The following ZMAT4 variants were observed in gnomAD, a reference collection of about 807,000 sequenced individuals.
ZMAT4 encodes zinc finger matrin-type protein 4.
ZMAT4 carries 17 observed loss-of-function variants against 28.7 expected under a neutral mutation model. That is an observed-to-expected ratio of 0.59 (90% CI 0.41 to 0.89). ZMAT4 has a LOEUF of 0.89. Among genes scored for constraint, ZMAT4 ranks in the 40% least tolerant of loss-of-function variants. The pLI, the probability that ZMAT4 is intolerant of heterozygous loss-of-function variation, is 0.00. For missense variants in ZMAT4, 240 were observed against 283.8 expected (o/e 0.85, Z 1.11); for synonymous variants, 117 against 109.2 (o/e 1.07, Z -0.44).
chr8:40,588,353 GA>G (rs1195217192), intron 5 of ZMAT4, among the ~76,000 whole-genome samples: 1 of 151,916 alleles, frequency 6.6e-6, no homozygotes, highest in Non-Finnish European at 1.5e-5. Flanking sequence ...AGTGCTGGGG[GA>G]AAAATATTTG....
At chr8:40,798,688 C>G (rs533413112) in intron 2 of ZMAT4, among the ~76,000 whole-genome samples, 1 of 152,286 alleles carries the variant, frequency 6.6e-6, no homozygotes, top group South Asian at 2.1e-4. Context: ...ACCTGCTTTC[C>G]CAGAGCAGCA....
intron 1 of ZMAT4, among the ~76,000 whole-genome samples, chr8:40,896,846 C>T (rs774713504): frequency 6.6e-6 from 1 of 152,190 alleles, no homozygotes; most frequent in South Asian, 2.1e-4. Context: ...CACGGAGCCA[C>T]CCCCTCCACC....
At chr8:40,665,199 GTC>G (rs1808355771) in intron 5 of ZMAT4, among the ~76,000 whole-genome samples, 1 of 151,874 alleles carries the variant, frequency 6.6e-6, no homozygotes, top group African/African-American at 2.4e-5. Context: ...GAGCAAGACT[GTC>G]TCAAAAAAAC....
intron 3 of ZMAT4, among the ~76,000 whole-genome samples, chr8:40,735,896 G>A (rs1252629691): frequency 6.6e-6 from 1 of 152,174 alleles, no homozygotes; most frequent in African/African-American, 2.4e-5. Flanking sequence ...GGGAGTGGGA[G>A]TGACTTGTCC....
At chr8:40,896,994 T>A (rs551388144) in intron 1 of ZMAT4, among the ~76,000 whole-genome samples, 149 of 148,434 alleles carry the variant, frequency 1.0e-3, no homozygotes, top group African/African-American at 3.4e-3. Flanking sequence ...TTTTTCAGGA[T>A]ACCCCAAGCC....
chr8:40,695,452 C>A (rs72639683), intron 4 of ZMAT4, among the ~76,000 whole-genome samples: 1 of 152,218 alleles, frequency 6.6e-6, no homozygotes, highest in Admixed American at 6.5e-5. Context: ...GGGGAGCTGG[C>A]GCAAGGCAGG....
intron 3 of ZMAT4, among the ~76,000 whole-genome samples, chr8:40,760,571 A>G (rs1274329455): frequency 6.6e-6 from 1 of 152,216 alleles, no homozygotes; most frequent in Non-Finnish European, 1.5e-5. Context: ...AGAAGTCAGA[A>G]AAAACAAAAT....
At chr8:40,754,582 A>G (rs945659756) in intron 3 of ZMAT4, among the ~76,000 whole-genome samples, 3 of 152,226 alleles carry the variant, frequency 2.0e-5, no homozygotes, top group Non-Finnish European at 2.9e-5. Flanking sequence ...TTGTACCTGT[A>G]TAACAAAAAA....
At chr8:40,534,154 C>T (rs1192548296) in intron 6 of ZMAT4, among the ~76,000 whole-genome samples, 2 of 152,054 alleles carry the variant, frequency 1.3e-5, no homozygotes, top group Non-Finnish European at 2.9e-5. Flanking sequence ...ATATCACATT[C>T]TTCCTTTTTA....
chr8:40,807,821 C>T (rs1815156436), intron 2 of ZMAT4, among the ~76,000 whole-genome samples: 1 of 152,186 alleles, frequency 6.6e-6, no homozygotes, highest in Non-Finnish European at 1.5e-5. Flanking sequence ...ATTAGCATCA[C>T]CAATATCAAT....
intron 4 of ZMAT4, among the ~76,000 whole-genome samples, chr8:40,675,972 T>C (rs143265196): frequency 1.9e-3 from 285 of 152,360 alleles, no homozygotes; most frequent in African/African-American, 5.7e-3. Context: ...GGATTATTTC[T>C]GGTCCAGAAA....
chr8:40,598,223 T>A (rs781150206), intron 5 of ZMAT4, among the ~76,000 whole-genome samples: 1 of 152,244 alleles, frequency 6.6e-6, no homozygotes, highest in Non-Finnish European at 1.5e-5. Context: ...TTACTTTAAG[T>A]TCCAGGATAC....
intron 1 of ZMAT4, among the ~76,000 whole-genome samples, chr8:40,831,469 C>G (rs146522090): frequency 6.6e-6 from 1 of 152,168 alleles, no homozygotes; most frequent in East Asian, 1.9e-4. Flanking sequence ...CAGCACTCAC[C>G]GTGGCAGTCC....
At chr8:40,740,992 G>GCACACA (rs5891118) in intron 3 of ZMAT4, among the ~76,000 whole-genome samples, 2 of 148,478 alleles carry the variant, frequency 1.3e-5, no homozygotes, top group African/African-American at 5.0e-5. Flanking sequence ...TGATAAATGC[G>GCACACA]CACACACACA....
intron 2 of ZMAT4, among the ~76,000 whole-genome samples, chr8:40,770,579 G>T (rs1437758756): frequency 8.2e-6 from 1 of 121,572 alleles, no homozygotes; most frequent in Non-Finnish European, 1.6e-5. Context: ...ACAGAGTCTC[G>T]TTCTGTCGCC....
At chr8:40,788,692 T>C (rs1205674183) in intron 2 of ZMAT4, among the ~76,000 whole-genome samples, 2 of 151,694 alleles carry the variant, frequency 1.3e-5, no homozygotes, top group African/African-American at 4.8e-5. Context: ...CTTCCCAAAA[T>C]TGAAAAAGAG....
At chr8:40,547,285 G>T (rs990259314) in intron 6 of ZMAT4, among the ~76,000 whole-genome samples, 6 of 152,160 alleles carry the variant, frequency 3.9e-5, no homozygotes, top group African/African-American at 1.4e-4. Flanking sequence ...TTTGTTGATG[G>T]TGTTTGTTTC....
intron 4 of ZMAT4, among the ~76,000 whole-genome samples, chr8:40,677,709 G>T (rs556723981): frequency 6.6e-6 from 1 of 152,276 alleles, no homozygotes; most frequent in African/African-American, 2.4e-5. Flanking sequence ...TGCTTTGGCA[G>T]AGTGTATTAT....
At chr8:40,638,509 A>G (rs1370332153) in intron 5 of ZMAT4, among the ~76,000 whole-genome samples, 1 of 152,208 alleles carries the variant, frequency 6.6e-6, no homozygotes, top group Non-Finnish European at 1.5e-5. Context: ...ACAATAAAGC[A>G]CCCATTTATC....
Sources: allele counts gnomAD v4.1 joint callset (sites outside exome capture counted in the v4.1 genomes callset), GRCh38; gene constraint gnomAD v4.1.1; transcripts MANE v1.5; gene names NCBI Gene and HGNC (gene_info 2026-07-23, HGNC 2026-07-21).